The following SPATA17 variants were observed in gnomAD, a reference collection of about 807,000 sequenced individuals.
SPATA17 encodes the protein spermatogenesis associated 17, also known as spermatogenesis-associated protein 17.
Under a neutral mutation model 62.2 loss-of-function variants are expected in SPATA17, and 53 were observed. The observed-to-expected ratio is 0.85, with a 90% CI of 0.68 to 1.07. The LOEUF (loss-of-function observed/expected upper bound fraction) is 1.07. Among genes scored for constraint, SPATA17 ranks in the 50% least tolerant of loss-of-function variants. The pLI is 0.00. For synonymous variants in SPATA17, 146 were observed against 146.8 expected (o/e 0.99, Z 0.04); for missense variants, 466 against 425.5 (o/e 1.10, Z -0.84).
chr1:217,661,606 T>C (rs1670571558), intron 3 of SPATA17, among the ~76,000 whole-genome samples: 1 of 152,192 alleles, frequency 6.6e-6, no homozygotes, highest in African/African-American at 2.4e-5. Context: ...GTTTTTGTTT[T>C]TCTTTTCAAC....
intron 9 of SPATA17, 148 bp from the exon 10 acceptor site, chr1:217,862,626 T>C (rs1285850733): frequency 1.7e-6 from 1 of 573,020 alleles, no homozygotes; most frequent in Non-Finnish European, 3.0e-6. Context: ...AAAATTTACC[T>C]GCTAATTTTG....
intron 5 of SPATA17, among the ~76,000 whole-genome samples, chr1:217,713,645 G>A (rs1485878546): frequency 6.6e-6 from 1 of 152,112 alleles, no homozygotes; most frequent in Admixed American, 6.6e-5. Flanking sequence ...AGTTTTTTCA[G>A]AAAGCACATC....
At chr1:217,777,452 A>C (rs749824087) in intron 7 of SPATA17, among the ~76,000 whole-genome samples, 7 of 151,982 alleles carry the variant, frequency 4.6e-5, no homozygotes, top group Non-Finnish European at 8.8e-5. Flanking sequence ...CCCATGCTGG[A>C]GTGCAGTGGA....
Position 217,741,956 on chromosome 1 carries a change from G to A in SPATA17, c.396-19G>A, listed in dbSNP as rs1193832524. 6.2e-7 allele frequency: 1 copy of A among 1,613,488 alleles called. No homozygotes were observed. The highest frequency in any genetic ancestry group is 1.1e-5 in the South Asian group (1 of 91,074). ...TTAACACATAGTATCATAAATAACT[G>A]CAGATGGTTTTGATGCAGGAAGGCA... On this transcript the variant is annotated intron_variant, in intron 5 of 10. Coordinates refer to ENST00000366933, the MANE Select transcript of SPATA17 (RefSeq NM_138796.4).
At chr1:217,657,471 G>C (rs1393752851) in intron 3 of SPATA17, among the ~76,000 whole-genome samples, 2 of 152,198 alleles carry the variant, frequency 1.3e-5, no homozygotes, top group African/African-American at 4.8e-5. Context: ...AAGAGTGCAT[G>C]AAATGATCTG....
chr1:217,854,145 C>T (rs1461157911), intron 9 of SPATA17, among the ~76,000 whole-genome samples: 1 of 152,138 alleles, frequency 6.6e-6, no homozygotes, highest in Non-Finnish European at 1.5e-5. Flanking sequence ...AGTTTGAACA[C>T]TCAGCAGTAT....
chr1:217,703,502 C>T (rs1331415918), intron 5 of SPATA17, among the ~76,000 whole-genome samples: 3 of 152,142 alleles, frequency 2.0e-5, no homozygotes, highest in African/African-American at 7.2e-5. Context: ...TAAATTGTCA[C>T]TGACGTACAA....
intron 5 of SPATA17, among the ~76,000 whole-genome samples, chr1:217,690,888 A>G (rs1351975248): frequency 1.4e-5 from 2 of 146,810 alleles, no homozygotes; most frequent in Non-Finnish European, 3.0e-5. Context: ...CCAGTCTATC[A>G]TTGTGGGACA....
At chr1:217,781,832 C>T (rs1192221625) in intron 7 of SPATA17, among the ~76,000 whole-genome samples, 1 of 151,968 alleles carries the variant, frequency 6.6e-6, no homozygotes, top group African/African-American at 2.4e-5. Context: ...GGGAGACAAT[C>T]CTTTTTTTAA....
intron 10 of SPATA17, among the ~76,000 whole-genome samples, chr1:217,864,439 G>A (rs1325401327): frequency 6.6e-6 from 1 of 151,958 alleles, no homozygotes; most frequent in Non-Finnish European, 1.5e-5. Context: ...AAAAGAAGAC[G>A]GGATTCAAAG....
intron 6 of SPATA17, among the ~76,000 whole-genome samples, chr1:217,762,896 C>T (rs1047299130): frequency 1.3e-5 from 2 of 152,054 alleles, no homozygotes; most frequent in Non-Finnish European, 2.9e-5. Flanking sequence ...TACTTGAACC[C>T]AGGAGGCAGT....
At chr1:217,795,587 C>T (rs557758250) in intron 8 of SPATA17, among the ~76,000 whole-genome samples, 1 of 152,002 alleles carries the variant, frequency 6.6e-6, no homozygotes, top group East Asian at 1.9e-4. Context: ...CCAGGCTGGT[C>T]TTGCACTCCT....
At chr1:217,787,141 C>T (rs977631397) in intron 8 of SPATA17, among the ~76,000 whole-genome samples, 1 of 152,042 alleles carries the variant, frequency 6.6e-6, no homozygotes, top group Non-Finnish European at 1.5e-5. Flanking sequence ...CAAATTCAGC[C>T]TCTCTTCCCC....
intron 9 of SPATA17, among the ~76,000 whole-genome samples, chr1:217,832,825 C>T (rs1315261337): frequency 6.6e-6 from 1 of 151,910 alleles, no homozygotes; most frequent in African/African-American, 2.4e-5. Flanking sequence ...CATCTGTAGT[C>T]CCAGCTACTT....
At chr1:217,824,078 G>A (rs1481832202) in intron 9 of SPATA17, among the ~76,000 whole-genome samples, 1 of 151,894 alleles carries the variant, frequency 6.6e-6, no homozygotes, top group Non-Finnish European at 1.5e-5. Context: ...CAGCCACTCT[G>A]TGGTCTTTTA....
At chr1:217,636,714 G>A (rs1669950960) in intron 1 of SPATA17, among the ~76,000 whole-genome samples, 1 of 152,116 alleles carries the variant, frequency 6.6e-6, no homozygotes, top group Admixed American at 6.5e-5. Flanking sequence ...GTGAGCCACT[G>A]GGCCCAGCCC....
chr1:217,847,586 T>C (rs1675556815), intron 9 of SPATA17, among the ~76,000 whole-genome samples: 3 of 152,206 alleles, frequency 2.0e-5, no homozygotes, highest in Non-Finnish European at 1.5e-5. Flanking sequence ...TAAAGTATAC[T>C]AATTTCCGTT....
chr1:217,788,305 T>C (rs1465062782), intron 8 of SPATA17, among the ~76,000 whole-genome samples: 2 of 151,948 alleles, frequency 1.3e-5, no homozygotes, highest in African/African-American at 4.8e-5. Flanking sequence ...AGGTTTAGGA[T>C]ATTGCAATAG....
intron 9 of SPATA17, among the ~76,000 whole-genome samples, chr1:217,849,839 A>G (rs576924000): frequency 2.2e-4 from 33 of 152,242 alleles, no homozygotes; most frequent in African/African-American, 7.7e-4. Flanking sequence ...TGCATCATCT[A>G]TGCCTTCTGA....
Sources: allele counts gnomAD v4.1 joint callset (sites outside exome capture counted in the v4.1 genomes callset), GRCh38; gene constraint gnomAD v4.1.1; transcripts MANE v1.5; gene names NCBI Gene and HGNC (gene_info 2026-07-23, HGNC 2026-07-21).